Variants in FTO observed in about 807,000 individuals in gnomAD.
The protein encoded by FTO is FTO alpha-ketoglutarate dependent dioxygenase, also known as alpha-ketoglutarate-dependent dioxygenase FTO.
Under a neutral mutation model 63.9 loss-of-function variants are expected in FTO, and 47 were observed. The observed-to-expected ratio is 0.74, with a 90% CI of 0.58 to 0.94. FTO has a LOEUF of 0.94. FTO is among the 40% of genes least tolerant of loss of function. FTO has a pLI of 0.00. For missense variants in FTO, 562 were observed against 618.1 expected, an observed-to-expected ratio of 0.91 and a Z score of 0.96; for synonymous variants, 207 against 224.4, an observed-to-expected ratio of 0.92 and a Z score of 0.69.
At chr16:54,063,450 A>G (rs544395468) in intron 8 of FTO, among the ~76,000 whole-genome samples, 1 of 152,332 alleles carries the variant, frequency 6.6e-6, no homozygotes, top group African/African-American at 2.4e-5. Context: ...AGATCCGAAC[A>G]GCGCTACGTT....
chr16:53,717,487 A>G (rs2075921986), intron 1 of FTO, among the ~76,000 whole-genome samples: 1 of 152,026 alleles, frequency 6.6e-6, no homozygotes, highest in African/African-American at 2.4e-5. Context: ...GTCTTTTCTT[A>G]CTGATTTGGA....
At chr16:53,998,940 G>A (rs1467523853) in intron 8 of FTO, among the ~76,000 whole-genome samples, 3 of 152,108 alleles carry the variant, frequency 2.0e-5, no homozygotes, top group Admixed American at 2.0e-4. Flanking sequence ...AAAACCAAGA[G>A]GATTATATCT....
At chr16:53,773,718 G>A (rs1005770149) in intron 1 of FTO, among the ~76,000 whole-genome samples, 1 of 152,118 alleles carries the variant, frequency 6.6e-6, no homozygotes, top group Non-Finnish European at 1.5e-5. Flanking sequence ...TATATTAACT[G>A]GCTTTTGAGC....
intron 8 of FTO, among the ~76,000 whole-genome samples, chr16:53,960,029 C>T (rs1282135738): frequency 6.6e-6 from 1 of 152,096 alleles, no homozygotes; most frequent in African/African-American, 2.4e-5. Context: ...GAGGAGTCAA[C>T]AGTATTCAAG....
chr16:54,050,709 C>G (rs2085291004), intron 8 of FTO, among the ~76,000 whole-genome samples: 1 of 152,162 alleles, frequency 6.6e-6, no homozygotes, highest in Admixed American at 6.5e-5. Flanking sequence ...TGGAATTTCT[C>G]TTTTTACTAG....
intron 1 of FTO, among the ~76,000 whole-genome samples, chr16:53,796,341 G>A (rs2078071483): frequency 6.6e-6 from 1 of 152,178 alleles, no homozygotes; most frequent in African/African-American, 2.4e-5. Flanking sequence ...ACTGCTCCTG[G>A]CCTAGTTTTT....
chr16:54,103,526 A>G (rs1198294701), intron 8 of FTO, among the ~76,000 whole-genome samples: 1 of 152,234 alleles, frequency 6.6e-6, no homozygotes, highest in Non-Finnish European at 1.5e-5. Context: ...AACAGAGGCA[A>G]GAGGTTAAAA....
At chr16:54,077,670 T>C (rs1426478644) in intron 8 of FTO, among the ~76,000 whole-genome samples, 1 of 152,046 alleles carries the variant, frequency 6.6e-6, no homozygotes, top group Non-Finnish European at 1.5e-5. Context: ...GGCAGGCAAG[T>C]GTTCATGTTC....
At chr16:53,970,773 T>A (rs2083300025) in intron 8 of FTO, among the ~76,000 whole-genome samples, 1 of 152,064 alleles carries the variant, frequency 6.6e-6, no homozygotes, top group East Asian at 1.9e-4. Context: ...AAGCCGCCAG[T>A]GTGACACTTT....
chr16:54,036,390 C>A (rs536165008), intron 8 of FTO, among the ~76,000 whole-genome samples: 8 of 152,168 alleles, frequency 5.3e-5, no homozygotes, highest in Non-Finnish European at 1.2e-4. Context: ...ATTCCCATTT[C>A]TTGGGCCTGG....
intron 7 of FTO, among the ~76,000 whole-genome samples, chr16:53,917,981 C>A (rs2081921510): frequency 6.6e-6 from 1 of 151,948 alleles, no homozygotes; most frequent in African/African-American, 2.4e-5. Context: ...GTAGCATGAG[C>A]TTAGTGAGAC....
At chr16:53,972,133 A>G (rs1176505624) in intron 8 of FTO, among the ~76,000 whole-genome samples, 2 of 152,150 alleles carry the variant, frequency 1.3e-5, no homozygotes, top group African/African-American at 4.8e-5. Context: ...CTTAACAACT[A>G]CAACAAATAT....
chr16:53,717,649 A>G (rs2151479855), intron 1 of FTO, among the ~76,000 whole-genome samples: 1 of 152,162 alleles, frequency 6.6e-6, no homozygotes, highest in South Asian at 2.1e-4. Flanking sequence ...GTATTAGATT[A>G]ACAGTCATGC....
intron 1 of FTO, among the ~76,000 whole-genome samples, chr16:53,768,603 G>T (rs1384259293): frequency 6.6e-6 from 1 of 152,138 alleles, no homozygotes; most frequent in Non-Finnish European, 1.5e-5. Context: ...ACCTTGGTGG[G>T]ATGGATAGGC....
At position 54,044,848 on chromosome 16, in the gene FTO, C is replaced by T. The variant is rs1314891069; in HGVS notation, c.1365-66914C>T. 2.2e-5 allele frequency among the ~76,000 whole-genome samples: 2 copies of T among 92,946 alleles called. 1 individual carries two copies. The highest frequency in any genetic ancestry group is 2.2e-4 in the Admixed American group (2 of 9,018). 61.0% of individuals were successfully genotyped at this position (92,946 alleles called of 152,430 possible). Reference sequence around the variant, plus strand: ...TACATGGAAACTGAACAACCTGCTCCTGAATGACTACCGGGTACATAACGA... The same window carrying T: ...TACATGGAAACTGAACAACCTGCTCTTGAATGACTACCGGGTACATAACGA... On this transcript the variant is annotated intron_variant, in intron 8 of 8. Coordinates refer to ENST00000471389, the MANE Select transcript of FTO (RefSeq NM_001080432.3).
At chr16:53,916,333 G>A (rs960063476) in intron 7 of FTO, among the ~76,000 whole-genome samples, 2 of 151,900 alleles carry the variant, frequency 1.3e-5, no homozygotes, top group African/African-American at 2.4e-5. Context: ...CATATGCTTG[G>A]GTCTCTCTGT....
At chr16:53,829,125 C>T (rs926129010) in intron 3 of FTO, among the ~76,000 whole-genome samples, 7 of 152,140 alleles carry the variant, frequency 4.6e-5, no homozygotes, top group Admixed American at 1.3e-4. Flanking sequence ...CTCCTGACCT[C>T]GTGATCTGCA....
chr16:53,719,880 T>G (rs554989008), intron 1 of FTO, among the ~76,000 whole-genome samples: 55 of 152,280 alleles, frequency 3.6e-4, no homozygotes, highest in African/African-American at 1.3e-3. Flanking sequence ...TAGCACTTAT[T>G]CAGTATTCTA....
At chr16:53,929,871 A>C (rs1485468296) in intron 7 of FTO, among the ~76,000 whole-genome samples, 1 of 152,274 alleles carries the variant, frequency 6.6e-6, no homozygotes, top group Non-Finnish European at 1.5e-5. Context: ...TGGGGAGAAA[A>C]GAGTTTTATC....
Sources: allele counts gnomAD v4.1 joint callset (sites outside exome capture counted in the v4.1 genomes callset), GRCh38; gene constraint gnomAD v4.1.1; transcripts MANE v1.5; gene names NCBI Gene and HGNC (gene_info 2026-07-23, HGNC 2026-07-21).